The following DGKH variants were observed in gnomAD, a reference collection of about 807,000 sequenced individuals.
DGKH encodes the protein diacylglycerol kinase eta, also known as DAG kinase eta.
DGKH carries 90 observed loss-of-function variants against 159.3 expected under a neutral mutation model. The ratio of observed to expected loss-of-function variants is 0.57; its 90% confidence interval spans 0.48 to 0.67. DGKH has a LOEUF of 0.67. DGKH is among the 30% of genes least tolerant of loss of function. The probability of loss-of-function intolerance (pLI) is 0.00; values close to 1 mark genes in which losing one functional copy is unlikely to be tolerated. For synonymous variants in DGKH, 536 were observed against 553.8 expected (o/e 0.97, Z 0.45); for missense variants, 1,181 against 1,506.1 (o/e 0.78, Z 3.57).
At chr13:42,097,335 G>T (rs889953780) in intron 1 of DGKH, among the ~76,000 whole-genome samples, 2 of 151,744 alleles carry the variant, frequency 1.3e-5, no homozygotes, top group Non-Finnish European at 2.9e-5. Context: ...TCATCTTTTT[G>T]TCTTTTCATT....
At chr13:42,244,903 C>CAA (rs57184890), downstream of DGKH, among the ~76,000 whole-genome samples, 567 of 43,030 alleles carry the variant, frequency 0.013, 45 homozygotes, top group Middle Eastern at 0.028. Flanking sequence ...GACTCCGTCT[C>CAA]AAAAAAAAAA....
At chr13:42,194,062 C>A (rs367790940) in intron 16 of DGKH, among the ~76,000 whole-genome samples, 152 of 152,216 alleles carry the variant, frequency 1.0e-3, no homozygotes, top group African/African-American at 3.6e-3. Flanking sequence ...TTGGGCAAAT[C>A]ATCATTTTGA....
chr13:42,087,245 A>G lies in DGKH; in HGVS notation c.192+38280A>G, dbSNP rs537977412. Among the ~76,000 whole-genome samples the G allele has an allele frequency of 6.1e-4, 93 of 152,292 alleles. 1 individual carries two copies. The highest frequency in any genetic ancestry group is 2.0e-3 in the African/African-American group (85 of 41,556). ...TAATGGGACAGGTTAGCCTTAGAGTAAAGGCTGCTCTGGACATGCCATAAC... is the reference window on the plus strand; with the variant it reads ...TAATGGGACAGGTTAGCCTTAGAGTGAAGGCTGCTCTGGACATGCCATAAC... On this transcript the variant is annotated intron_variant, in intron 1 of 29. Transcript: ENST00000337343.
At chr13:42,166,101 C>A (rs1473647254) in intron 8 of DGKH, among the ~76,000 whole-genome samples, 5 of 151,960 alleles carry the variant, frequency 3.3e-5, no homozygotes, top group Admixed American at 1.3e-4. Flanking sequence ...GATATCATGC[C>A]TTATGCTTTT....
chr13:42,070,247 G>A, intron 1 of DGKH: 2 of 1,152,258 alleles, frequency 1.7e-6, no homozygotes, highest in South Asian at 2.5e-5. Flanking sequence ...ATTCCTGGAA[G>A]TAGCTGAGTT....
At chr13:42,176,014 C>G (rs998404638) in intron 12 of DGKH, among the ~76,000 whole-genome samples, 1 of 152,152 alleles carries the variant, frequency 6.6e-6, no homozygotes, top group Non-Finnish European at 1.5e-5. Context: ...AATATTAACT[C>G]TTATTATTAC....
intron 5 of DGKH, among the ~76,000 whole-genome samples, chr13:42,157,956 C>T (rs1044751628): frequency 3.9e-5 from 6 of 152,164 alleles, no homozygotes; most frequent in Non-Finnish European, 8.8e-5. Context: ...GACAAGGTTT[C>T]ACCTTTGTGA....
chr13:42,168,870 A>T, intron 11 of DGKH, 52 bp downstream of exon 11: 1 of 1,534,522 alleles, frequency 6.5e-7, no homozygotes, highest in Non-Finnish European at 8.8e-7. Flanking sequence ...TACTGAAATC[A>T]TTTTTTTGAT....
intron 17 of DGKH, among the ~76,000 whole-genome samples, chr13:42,197,416 C>T (rs1373768611): frequency 1.3e-5 from 2 of 151,650 alleles, no homozygotes; most frequent in Admixed American, 1.3e-4. Flanking sequence ...AGAAGTATGC[C>T]ACAGTATATT....
At chr13:42,080,601 C>T (rs371210034) in intron 1 of DGKH, among the ~76,000 whole-genome samples, 11 of 152,052 alleles carry the variant, frequency 7.2e-5, no homozygotes, top group South Asian at 4.1e-4. Context: ...GTTTTAGATT[C>T]GGAAAAGGCT....
chr13:42,096,797 A>G (rs1954547764), intron 1 of DGKH, among the ~76,000 whole-genome samples: 1 of 152,152 alleles, frequency 6.6e-6, no homozygotes, highest in Non-Finnish European at 1.5e-5. Flanking sequence ...GGTTGAGGGA[A>G]CCACATGAGA....
At chr13:42,201,610 G>T (rs1012771462) in intron 20 of DGKH, among the ~76,000 whole-genome samples, 4 of 152,018 alleles carry the variant, frequency 2.6e-5, no homozygotes, top group Non-Finnish European at 2.9e-5. Context: ...TTTTTAAAAG[G>T]TTCTTAATCT....
In DGKH at chr13:42,208,982, T is replaced by G; in HGVS notation, c.2625T>G (p.Asp875Glu). 1 of 1,612,250 alleles carries G rather than the reference T, an allele frequency of 6.2e-7. No homozygotes were observed. Among genetic ancestry groups the G allele is most frequent in the Non-Finnish European group, 8.5e-7 (1 of 1,179,144 alleles). Residue 875 changes from aspartate (D) to glutamate (E), a missense_variant, in exon 22 of 30, where the codon GAT becomes GAG. By Grantham distance (45) the Asp-to-Glu change is conservative. Around this residue, in one of 5 missense-constraint regions of DGKH, gnomAD observed 335 missense variants for 495.2 expected, o/e 0.68. Transcript: ENST00000337343. ...EDDIFAAPSF[D>E]DKILEVVAIF... ...AGATATTTGCTGCACCATCCTTTGA[T>G]GACAAGATCCTGGAAGTTGTAGCAA...
intron 1 of DGKH, among the ~76,000 whole-genome samples, chr13:42,096,258 A>G (rs1954531602): frequency 6.6e-6 from 1 of 151,904 alleles, no homozygotes; most frequent in African/African-American, 2.4e-5. Context: ...CCCATCTAGT[A>G]GTCCTTAGTG....
intron 1 of DGKH, among the ~76,000 whole-genome samples, chr13:42,094,657 C>T (rs866255443): frequency 5.9e-5 from 9 of 152,286 alleles, no homozygotes; most frequent in Middle Eastern, 3.4e-3. Flanking sequence ...GTACCATTTA[C>T]AAGTTTTATT....
intron 15 of DGKH, 135 bp from the exon 16 acceptor site, chr13:42,190,268 T>C: frequency 1.9e-6 from 2 of 1,031,382 alleles, no homozygotes; most frequent in Non-Finnish European, 2.7e-6. Flanking sequence ...CCCAAGTTCA[T>C]TGCTAAATAG....
chr13:42,219,162 G>T (rs9315899), intron 26 of DGKH, 68 bp from the exon 27 acceptor site: 444,742 of 1,587,042 alleles, frequency 0.28, 65,275 homozygotes, highest in Non-Finnish European at 0.31. Context: ...AAAGTACAAT[G>T]ATTTATTCTA....
intron 1 of DGKH, among the ~76,000 whole-genome samples, chr13:42,056,964 T>G (rs539953505): frequency 3.9e-5 from 6 of 152,340 alleles, no homozygotes; most frequent in African/African-American, 1.2e-4. Context: ...TGCATTTGGA[T>G]CCTACGTTTT....
At chr13:42,198,164 C>G (rs1957250074) in intron 17 of DGKH, among the ~76,000 whole-genome samples, 1 of 152,046 alleles carries the variant, frequency 6.6e-6, no homozygotes, top group Non-Finnish European at 1.5e-5. Flanking sequence ...TTTGCTATAA[C>G]AAAGGAAGTA....
Sources: gnomAD v4.1 joint callset for allele counts (sites outside exome capture counted in the v4.1 genomes callset) on GRCh38, gnomAD v4.1.1 for gene constraint, gnomAD v4.1.1 regional missense constraint, MANE v1.5 for transcripts, NCBI Gene and HGNC (gene_info 2026-07-23, HGNC 2026-07-21) for gene names.